MARCHF1: variants seen among roughly 807,000 people sequenced by gnomAD.
MARCHF1 encodes E3 ubiquitin-protein ligase MARCHF1.
A neutral mutation model predicts 54.2 loss-of-function variants in MARCHF1; 40 were observed. That is an observed-to-expected ratio of 0.74 (90% confidence interval 0.57 to 0.96). MARCHF1 has a LOEUF of 0.96. MARCHF1 is among the 40% of genes least tolerant of loss of function. The probability of loss-of-function intolerance (pLI) is 0.00; values close to 1 mark genes in which losing one functional copy is unlikely to be tolerated. For synonymous variants in MARCHF1, 236 were observed against 236.3 expected (o/e 1.00, Z 0.01); for missense variants, 586 against 656.5 (o/e 0.89, Z 1.17).
chr4:163,548,771 T>TG lies in MARCHF1; in HGVS notation c.1192-3029_1192-3028insC, dbSNP rs1738997985. 2.0e-5 allele frequency among the ~76,000 whole-genome samples: 3 copies of TG among 150,920 alleles called. No homozygotes were observed. In the South Asian group the frequency reaches 6.3e-4, roughly 31 times the overall value. On this transcript the variant is annotated intron_variant, in intron 8 of 9. Coordinates refer to ENST00000514618, the MANE Select transcript of MARCHF1 (RefSeq NM_001394959.1). ...TATAAACCTTTCCCTTCATATTGTC[T>TG]TTTCAGGTTTGTTTACAAAATTTCA...
chr4:164,323,650 A>C (rs1045433312), intron 1 of MARCHF1, among the ~76,000 whole-genome samples: 1 of 147,784 alleles, frequency 6.8e-6, no homozygotes, highest in Non-Finnish European at 1.5e-5. Flanking sequence ...GAACAGGGAC[A>C]CATCATTTAT....
chr4:163,809,019 G>A (rs1461389815), intron 4 of MARCHF1, among the ~76,000 whole-genome samples: 2 of 152,028 alleles, frequency 1.3e-5, no homozygotes, highest in Non-Finnish European at 2.9e-5. Context: ...TCAAACAGTA[G>A]GTCCTCTCTT....
intron 1 of MARCHF1, among the ~76,000 whole-genome samples, chr4:164,117,095 T>C (rs2110755216): frequency 6.6e-6 from 1 of 151,972 alleles, no homozygotes; most frequent in South Asian, 2.1e-4. Flanking sequence ...TCGTCTCTAC[T>C]AAAAATACAA....
chr4:164,322,017 T>C (rs113764655), intron 1 of MARCHF1, among the ~76,000 whole-genome samples: 4 of 152,138 alleles, frequency 2.6e-5, no homozygotes, highest in African/African-American at 9.6e-5. Flanking sequence ...GCGAAGGAAA[T>C]ATAGAGTCAA....
intron 4 of MARCHF1, among the ~76,000 whole-genome samples, chr4:163,823,489 A>G (rs1748757280): frequency 6.6e-6 from 1 of 151,906 alleles, no homozygotes; most frequent in Admixed American, 6.6e-5. Flanking sequence ...GACAGAAGGT[A>G]TGTATTAGAA....
intron 3 of MARCHF1, among the ~76,000 whole-genome samples, chr4:163,861,337 G>T (rs1749926616): frequency 6.6e-6 from 1 of 152,060 alleles, no homozygotes. Flanking sequence ...TGTAACATAT[G>T]TACAACCAGA....
At chr4:164,202,356 A>T (rs1731478465) in intron 1 of MARCHF1, among the ~76,000 whole-genome samples, 1 of 152,244 alleles carries the variant, frequency 6.6e-6, no homozygotes, top group South Asian at 2.1e-4. Flanking sequence ...AAAATGTTCC[A>T]TATGACTGTA....
At chr4:164,154,903 A>T (rs976392877) in intron 1 of MARCHF1, among the ~76,000 whole-genome samples, 1 of 152,154 alleles carries the variant, frequency 6.6e-6, no homozygotes, top group Non-Finnish European at 1.5e-5. Flanking sequence ...TGAGTGGTGG[A>T]GGTGGCTCTC....
intron 2 of MARCHF1, among the ~76,000 whole-genome samples, chr4:164,033,305 C>G (rs1753918152): frequency 6.6e-6 from 1 of 151,894 alleles, no homozygotes; most frequent in Non-Finnish European, 1.5e-5. Flanking sequence ...AATGTAAAAC[C>G]CAAAACCATA....
intron 3 of MARCHF1, among the ~76,000 whole-genome samples, chr4:163,979,171 T>G (rs28850315): frequency 1.4e-4 from 2 of 14,480 alleles, no homozygotes; most frequent in East Asian, 5.2e-3. Context: ...TCCCCCCCCC[T>G]CCCCCCACCC....
At chr4:164,089,404 C>T (rs35807987) in intron 2 of MARCHF1, among the ~76,000 whole-genome samples, 127,620 of 152,012 alleles carry the variant, frequency 0.84, 54,081 homozygotes, top group Non-Finnish European at 0.89. Flanking sequence ...GTTGAGGTTA[C>T]TAGATCGCAT....
At chr4:163,535,150 CTT>C (rs776894014) in intron 9 of MARCHF1, among the ~76,000 whole-genome samples, 1 of 151,962 alleles carries the variant, frequency 6.6e-6, no homozygotes, top group Non-Finnish European at 1.5e-5. Context: ...ACGTTCCACA[CTT>C]TTAACATATT....
chr4:163,777,026 A>C (rs962916591), intron 4 of MARCHF1, among the ~76,000 whole-genome samples: 2 of 152,160 alleles, frequency 1.3e-5, no homozygotes, highest in Non-Finnish European at 2.9e-5. Flanking sequence ...AATAATTTGT[A>C]ATTCATATTT....
intron 4 of MARCHF1, among the ~76,000 whole-genome samples, chr4:163,833,407 AACC>A (rs1217697235): frequency 6.6e-6 from 1 of 152,192 alleles, no homozygotes; most frequent in Non-Finnish European, 1.5e-5. Flanking sequence ...CAGCAAAAGA[AACC>A]ACCATCAGAG....
At chr4:164,254,487 T>C (rs1733215835) in intron 1 of MARCHF1, among the ~76,000 whole-genome samples, 1 of 151,376 alleles carries the variant, frequency 6.6e-6, no homozygotes, top group African/African-American at 2.4e-5. Context: ...ACATAGTGTG[T>C]ATATATATGT....
At chr4:164,107,188 C>T (rs959880971) in intron 2 of MARCHF1, among the ~76,000 whole-genome samples, 1 of 152,084 alleles carries the variant, frequency 6.6e-6, no homozygotes, top group African/African-American at 2.4e-5. Flanking sequence ...TTGTACTTCC[C>T]TAGTTAGTGC....
intron 5 of MARCHF1, among the ~76,000 whole-genome samples, chr4:163,648,741 A>G (rs1309763263): frequency 6.6e-6 from 1 of 151,868 alleles, no homozygotes; most frequent in East Asian, 1.9e-4. Flanking sequence ...ATATAAAATT[A>G]CAACTCTAGT....
intron 3 of MARCHF1, among the ~76,000 whole-genome samples, chr4:163,870,968 T>A (rs1750156169): frequency 6.6e-6 from 1 of 152,118 alleles, no homozygotes; most frequent in South Asian, 2.1e-4. Flanking sequence ...TATTTTCAAA[T>A]AGCTATAAAG....
intron 1 of MARCHF1, among the ~76,000 whole-genome samples, chr4:164,373,343 GA>G (rs1731090491): frequency 7.3e-6 from 1 of 136,324 alleles, no homozygotes; most frequent in Non-Finnish European, 1.6e-5. Context: ...AAATTAATGT[GA>G]AAAACTACTT....
Sources: gnomAD v4.1 joint callset for allele counts (sites outside exome capture counted in the v4.1 genomes callset) on GRCh38, gnomAD v4.1.1 for gene constraint, MANE v1.5 for transcripts, NCBI Gene and HGNC (gene_info 2026-07-23, HGNC 2026-07-21) for gene names.